TBCD: variants seen among roughly 807,000 people sequenced by gnomAD.
The protein encoded by TBCD is tubulin-specific chaperone D.
In TBCD, 105 loss-of-function variants were observed where a neutral mutation model predicts 169.3. That is an observed-to-expected ratio of 0.62 (90% confidence interval 0.53 to 0.73). The LOEUF (loss-of-function observed/expected upper bound fraction) is 0.73. Ranked by LOEUF, TBCD falls within the 30% of genes least tolerant of loss-of-function variation. The pLI is 0.00. For synonymous variants in TBCD, 700 were observed against 643.9 expected (o/e 1.09, Z -1.32); for missense variants, 1,444 against 1,600.1 (o/e 0.90, Z 1.66).
rs762176568 is a variant in TBCD at position 82,806,189 on chromosome 17, G to T, written c.1087+178G>T. On this transcript the variant is annotated intron_variant, in intron 10 of 38. Coordinates refer to ENST00000355528, the MANE Select transcript of TBCD (RefSeq NM_005993.5). The surrounding 1 kb of genome is among the most constrained non-coding windows in gnomAD (Gnocchi z 5.1). The stretch of plus-strand genomic sequence containing the variant: ...GGCTCCTGAACCCAGGCCTGTCCCT[G>T]ACCATGGACAGTCTCTTCCTGTGTG... 5.3e-5 allele frequency among the ~76,000 whole-genome samples: 8 copies of T among 152,222 alleles called. No homozygotes were observed. Among genetic ancestry groups the T allele is most frequent in the Non-Finnish European group, 8.8e-5 (6 of 68,012 alleles).
intron 13 of TBCD, among the ~76,000 whole-genome samples, chr17:82,869,036 GT>G (rs1269490293): frequency 6.6e-6 from 1 of 152,234 alleles, no homozygotes; most frequent in Non-Finnish European, 1.5e-5. Context: ...GCCTTGGTGT[GT>G]GGGTGCTTCA....
chr17:82,891,198 G>A (rs2059113560), intron 16 of TBCD, among the ~76,000 whole-genome samples: 1 of 152,256 alleles, frequency 6.6e-6, no homozygotes, highest in South Asian at 2.1e-4. Flanking sequence ...CAGCCTCCCT[G>A]TGTGTGTGGC....
rs769300875 is a variant in TBCD at position 82,844,206 on chromosome 17, C to CGT, written c.1319-25989_1319-25988dup. Among the ~76,000 whole-genome samples the CGT allele has an allele frequency of 6.9e-3, 882 of 127,476 alleles. 9 individuals carry two copies. The highest frequency in any genetic ancestry group is 0.045 in the Middle Eastern group (12 of 268). 83.6% of individuals were successfully genotyped at this position (127,476 alleles called of 152,430 possible). The stretch of plus-strand genomic sequence containing the variant: ...TGGAGGAGTGGGGGTGGATGTTCTC[C>CGT]GTGTGTGTGTGTGTGTGTGTGTGTG... On this transcript the variant is annotated intron_variant, in intron 13 of 38. Transcript: ENST00000355528.
chr17:82,924,833 C>A lies in TBCD; in HGVS notation c.2261-106C>A, dbSNP rs530405835. Reference sequence around the variant, plus strand: ...CTGCTTTGGGAACCTCAGGCGGCTCCTCCTTTGTTCACTGTGGCTTTGCTC... The same window carrying A: ...CTGCTTTGGGAACCTCAGGCGGCTCATCCTTTGTTCACTGTGGCTTTGCTC... On this transcript the variant is annotated intron_variant, in intron 26 of 38. Transcript: ENST00000355528. 1.4e-5 allele frequency: 12 copies of A among 877,090 alleles called. No individual in the cohort carries two copies. The East Asian group carries it at 3.1e-4, about 23-fold the overall frequency. 54.3% of individuals were successfully genotyped at this position (877,090 alleles called of 1,614,324 possible). A position where few individuals can be genotyped will look rare whatever the true frequency, so the allele number is the denominator to read the frequency against.
chr17:82,930,683 G>A lies in TBCD; in HGVS notation c.3113+40G>A. 6.2e-7 allele frequency: 1 copy of A among 1,612,940 alleles called. No individual in the cohort carries two copies. The highest frequency in any genetic ancestry group is 1.1e-5 in the South Asian group (1 of 91,036). Reference sequence around the variant, plus strand: ...TTGGGGCCTCAGAGGCGTGAGTGGTGCTGGTGCCTCTCACCACGTTCCCAC... The same window carrying A: ...TTGGGGCCTCAGAGGCGTGAGTGGTACTGGTGCCTCTCACCACGTTCCCAC... On this transcript the variant is annotated intron_variant, in intron 33 of 38. Transcript: ENST00000355528. This position sits in a 1 kb window ranked among gnomAD's most constrained non-coding sequence, Gnocchi z 5.2.
chr17:82,841,938 G>C (rs1251050678), intron 13 of TBCD, among the ~76,000 whole-genome samples: 1 of 152,214 alleles, frequency 6.6e-6, no homozygotes, highest in Non-Finnish European at 1.5e-5. Flanking sequence ...CCCTAGCAGG[G>C]TGGTCAGCTG....
Position 82,831,256 on chromosome 17 carries a change from A to T in TBCD, c.1318+16322A>T. 6.2e-7 allele frequency: 1 copy of T among 1,613,832 alleles called. No individual in the cohort carries two copies. Among genetic ancestry groups the T allele is most frequent in the Non-Finnish European group, 8.5e-7 (1 of 1,180,022 alleles). ...GGCTGCACTCCCTGCGCGGGGGCTCATTTTGGACCCTTCCGTGTCTCTCTG... is the reference window on the plus strand; with the variant it reads ...GGCTGCACTCCCTGCGCGGGGGCTCTTTTTGGACCCTTCCGTGTCTCTCTG... On this transcript the variant is annotated intron_variant, in intron 13 of 38. Coordinates refer to ENST00000355528, the MANE Select transcript of TBCD (RefSeq NM_005993.5). This position sits in a 1 kb window ranked among gnomAD's most constrained non-coding sequence, Gnocchi z 4.6.
At chr17:82,861,485 T>G (rs2056762549) in intron 13 of TBCD, among the ~76,000 whole-genome samples, 1 of 152,186 alleles carries the variant, frequency 6.6e-6, no homozygotes, top group African/African-American at 2.4e-5. Context: ...TCAATGTTTG[T>G]TTATATTGAT....
intron 13 of TBCD, among the ~76,000 whole-genome samples, chr17:82,849,760 C>A (rs941115965): frequency 6.6e-6 from 1 of 152,228 alleles, no homozygotes; most frequent in Non-Finnish European, 1.5e-5. Flanking sequence ...CGTCATGTCA[C>A]CTCAGCCAGG....
intron 18 of TBCD, among the ~76,000 whole-genome samples, chr17:82,902,923 G>C (rs535967014): frequency 5.9e-5 from 9 of 152,158 alleles, no homozygotes; most frequent in Admixed American, 5.9e-4. Context: ...CTCTTGAGCC[G>C]GTCCTGGGTC....
intron 13 of TBCD, among the ~76,000 whole-genome samples, chr17:82,823,743 A>G (rs921006479): frequency 3.2e-4 from 49 of 152,144 alleles, no homozygotes; most frequent in African/African-American, 1.2e-3. Flanking sequence ...ATATAGTTCC[A>G]TGGTTTTTAG....
At chr17:82,873,713 G>C (rs1472265282) in intron 14 of TBCD, among the ~76,000 whole-genome samples, 1 of 152,202 alleles carries the variant, frequency 6.6e-6, no homozygotes, top group East Asian at 1.9e-4. Flanking sequence ...GCCTGGCCTT[G>C]GTCTGGGTGT....
At chr17:82,850,128 TTGTTGTTGGCTGTGC>T (rs2055600385) in intron 13 of TBCD, among the ~76,000 whole-genome samples, 1 of 19,168 alleles carries the variant, frequency 5.2e-5, no homozygotes, top group Non-Finnish European at 9.7e-5. Flanking sequence ...GTTGGCTGTG[TTGTTGTTGGCTGTGC>T]TGTTGTTGGC....
chr17:82,877,285 T>G (rs2058043492), intron 14 of TBCD, among the ~76,000 whole-genome samples: 1 of 152,214 alleles, frequency 6.6e-6, no homozygotes, highest in African/African-American at 2.4e-5. Context: ...GACACACATT[T>G]CTATGCATTC....
In TBCD at chr17:82,793,213, G is replaced by T. The variant is rs538550422; in HGVS notation, c.772-4544G>T. ...TCCAGCAATGAAAGTTTTCACTTCC[G>T]TCAATGGCTTTTTTCCTCTGAATGT... On this transcript the variant is annotated intron_variant, in intron 7 of 38. Coordinates refer to ENST00000355528, the MANE Select transcript of TBCD (RefSeq NM_005993.5). Among the ~76,000 whole-genome samples the T allele has an allele frequency of 2.6e-5, 4 of 152,248 alleles. No individual in the cohort carries two copies. The East Asian group carries it at 7.7e-4, about 29-fold the overall frequency.
intron 13 of TBCD, among the ~76,000 whole-genome samples, chr17:82,848,055 GT>G (rs2055298893): frequency 6.6e-6 from 1 of 152,188 alleles, no homozygotes; most frequent in Admixed American, 6.5e-5. Context: ...CTCTTGCCTG[GT>G]GAGTGTGAGG....
intron 7 of TBCD, among the ~76,000 whole-genome samples, chr17:82,783,556 CTGTGGACTTGCTGGT>C (rs2049095078): frequency 6.6e-6 from 1 of 152,184 alleles, no homozygotes; most frequent in Non-Finnish European, 1.5e-5. Context: ...TGTGCTGTCC[CTGTGGACTTGCTGGT>C]TGCGGACATC....
chr17:82,934,279 T>C (rs1417612667), intron 34 of TBCD, among the ~76,000 whole-genome samples: 1 of 152,240 alleles, frequency 6.6e-6, no homozygotes, highest in Non-Finnish European at 1.5e-5. Flanking sequence ...AGATCTGGTC[T>C]CTGTTGCTCC....
chr17:82,899,211 G>A (rs569026951), intron 17 of TBCD, among the ~76,000 whole-genome samples: 326 of 150,868 alleles, frequency 2.2e-3, no homozygotes, highest in Non-Finnish European at 3.3e-3. Flanking sequence ...TCCGCAGTGC[G>A]TCCTCAGCAT....
Sources: gnomAD v4.1 joint callset for allele counts (sites outside exome capture counted in the v4.1 genomes callset) on GRCh38, gnomAD v4.1.1 for gene constraint, Gnocchi (gnomAD v3.1) non-coding constraint, MANE v1.5 for transcripts, NCBI Gene and HGNC (gene_info 2026-07-23, HGNC 2026-07-21) for gene names.